The following MYRFL variants were observed in gnomAD, a reference collection of about 807,000 sequenced individuals.
The protein encoded by MYRFL is myelin regulatory factor-like protein.
Under a neutral mutation model 109.4 loss-of-function variants are expected in MYRFL, and 88 were observed. The ratio of observed to expected loss-of-function variants is 0.80; its 90% confidence interval spans 0.68 to 0.96. The LOEUF (loss-of-function observed/expected upper bound fraction) is 0.96. Ranked by LOEUF, MYRFL falls within the 40% of genes least tolerant of loss-of-function variation. The probability of loss-of-function intolerance (pLI) is 0.00; values close to 1 mark genes in which losing one functional copy is unlikely to be tolerated. For synonymous variants in MYRFL, 324 were observed against 320.9 expected (o/e 1.01, Z -0.10); for missense variants, 957 against 954.9 (o/e 1.00, Z -0.03).
chr12:69,931,978 G>T (rs998146558), intron 15 of MYRFL, among the ~76,000 whole-genome samples: 2 of 152,194 alleles, frequency 1.3e-5, no homozygotes, highest in African/African-American at 2.4e-5. Context: ...CAGGCCCAGA[G>T]ATATCTGTAT....
intron 4 of MYRFL, 32 bp from the exon 5 acceptor site, chr12:69,880,169 T>G: frequency 1.4e-6 from 1 of 701,454 alleles, no homozygotes; most frequent in Non-Finnish European, 2.6e-6. Flanking sequence ...CAAGGAAGAA[T>G]CCTAACCTTC....
rs1275673284 is a variant in MYRFL at position 69,952,282 on chromosome 12, C to G, written c.2287+107C>G. The stretch of plus-strand genomic sequence containing the variant: ...GAGGAGCAGGGACAAAGGCTGCAGC[C>G]TGCCTGCCACGCATATCCATGGGAC... On this transcript the variant is annotated intron_variant, in intron 20 of 24. Coordinates refer to ENST00000552032, the MANE Select transcript of MYRFL (RefSeq NM_182530.3). 3 of 951,830 alleles carry G rather than the reference C, an allele frequency of 3.2e-6. No homozygotes were observed. The African/African-American group carries it at 4.8e-5, about 15-fold the overall frequency. The allele number at this position is 951,830 out of a possible 1,614,324, so 59.0% of individuals were successfully genotyped here.
At chr12:69,896,342 T>C (rs1354253430) in intron 9 of MYRFL, among the ~76,000 whole-genome samples, 1 of 152,260 alleles carries the variant, frequency 6.6e-6, no homozygotes, top group East Asian at 1.9e-4. Context: ...TAACGGTTAC[T>C]ACTCTTACTG....
chr12:69,863,330 G>A (rs1027661886), intron 2 of MYRFL, among the ~76,000 whole-genome samples: 51 of 152,172 alleles, frequency 3.4e-4, no homozygotes, highest in Middle Eastern at 3.4e-3. Context: ...GAATGGTACC[G>A]GTTCCTCCTT....
At position 69,952,897 on chromosome 12, in the gene MYRFL, C is replaced by T. The variant is rs1230970253; in HGVS notation, c.2375+11C>T. 4.6e-6 allele frequency: 7 copies of T among 1,522,096 alleles called. 1 individual carries two copies. In the South Asian group the frequency reaches 6.0e-5, roughly 13 times the overall value. The allele number at this position is 1,522,096 out of a possible 1,614,324, so 94.3% of individuals were successfully genotyped here. On this transcript the variant is annotated intron_variant, in intron 21 of 24. Coordinates refer to ENST00000552032, the MANE Select transcript of MYRFL (RefSeq NM_182530.3). The stretch of plus-strand genomic sequence containing the variant: ...AAGCCTCCAGTGCGGGTAGGTAAGC[C>T]TCCCCAGCATGCCCTGGTTGTTTCT...
chr12:69,936,684 T>G (rs1955481189), intron 19 of MYRFL, 52 bp downstream of exon 19: 1 of 1,410,304 alleles, frequency 7.1e-7, no homozygotes, highest in Non-Finnish European at 9.3e-7. Context: ...GAGGTTGTTT[T>G]TCTTGTCACA....
intron 13 of MYRFL, among the ~76,000 whole-genome samples, chr12:69,916,237 G>C (rs1038505599): frequency 6.6e-6 from 1 of 152,114 alleles, no homozygotes; most frequent in Non-Finnish European, 1.5e-5. Flanking sequence ...AAAGCTCTAA[G>C]TAATAATGTG....
intron 6 of MYRFL, among the ~76,000 whole-genome samples, chr12:69,888,384 A>G (rs1045225587): frequency 6.6e-6 from 1 of 152,182 alleles, no homozygotes; most frequent in African/African-American, 2.4e-5. Context: ...GTTAGGTCTA[A>G]TTTGTTACAA....
intron 1 of MYRFL, among the ~76,000 whole-genome samples, chr12:69,827,176 A>C (rs1171372985): frequency 6.6e-6 from 1 of 152,034 alleles, no homozygotes. Flanking sequence ...TCAAGAAAAA[A>C]ATTTGACAAT....
chr12:69,831,848 T>C (rs921030133), intron 1 of MYRFL, among the ~76,000 whole-genome samples: 1 of 152,128 alleles, frequency 6.6e-6, no homozygotes, highest in African/African-American at 2.4e-5. Context: ...CAGTCAGTTG[T>C]CAAAGTCAAA....
intron 13 of MYRFL, among the ~76,000 whole-genome samples, chr12:69,922,786 G>A (rs1415785536): frequency 6.6e-6 from 1 of 152,056 alleles, no homozygotes; most frequent in East Asian, 1.9e-4. Context: ...TTTTACATGT[G>A]TATGTATAAA....
intron 5 of MYRFL, among the ~76,000 whole-genome samples, chr12:69,883,332 C>A (rs1424229208): frequency 6.6e-6 from 1 of 152,114 alleles, no homozygotes; most frequent in Non-Finnish European, 1.5e-5. Flanking sequence ...AGATTCCATC[C>A]CTAGAAGTAT....
chr12:69,894,670 G>A (rs1429357841), intron 8 of MYRFL, among the ~76,000 whole-genome samples: 2 of 152,234 alleles, frequency 1.3e-5, no homozygotes, highest in Admixed American at 1.3e-4. Context: ...AGTATGCAAA[G>A]CAATATGGCA....
intron 2 of MYRFL, among the ~76,000 whole-genome samples, chr12:69,858,975 A>G (rs1447731240): frequency 6.6e-6 from 1 of 151,888 alleles, no homozygotes; most frequent in Non-Finnish European, 1.5e-5. Context: ...TTAAGCATTC[A>G]ATGCTGTACA....
At chr12:69,932,484 T>A (rs1219572381) in intron 15 of MYRFL, 29 bp from the exon 16 acceptor site, 33 of 1,453,332 alleles carry the variant, frequency 2.3e-5, no homozygotes, top group Non-Finnish European at 2.8e-5. Flanking sequence ...TGCTAATTTA[T>A]CACTGCTCAT....
rs1037548798 is a variant in MYRFL at position 69,931,349 on chromosome 12, G to A, written c.1831-1164G>A. On this transcript the variant is annotated intron_variant, in intron 15 of 24. Transcript: ENST00000552032. ...ACAGTTTCTGTGAGACCTCAGAACA[G>A]TATAAACCATTGACTTCTTGGTCAT... 2.0e-5 allele frequency among the ~76,000 whole-genome samples: 3 copies of A among 152,304 alleles called. No individual in the cohort carries two copies. The South Asian group carries it at 6.2e-4, about 32-fold the overall frequency.
At position 69,958,620 on chromosome 12, in the gene MYRFL, T is replaced by A; in HGVS notation, c.*89T>A. 1 of 994,148 alleles carries A rather than the reference T, an allele frequency of 1.0e-6. No individual in the cohort carries two copies. Among genetic ancestry groups the A allele is most frequent in the Non-Finnish European group, 1.5e-6 (1 of 688,136 alleles). The allele number at this position is 994,148 out of a possible 1,614,324, so 61.6% of individuals were successfully genotyped here. Reference sequence around the variant, plus strand: ...CATCCTCTTGCAACTTCTTTTTTCTTCTTTGTAAAACATTTACGTTTATTG... The same window carrying A: ...CATCCTCTTGCAACTTCTTTTTTCTACTTTGTAAAACATTTACGTTTATTG... On this transcript the variant is annotated 3_prime_UTR_variant, in exon 25 of 25. Coordinates refer to ENST00000552032, the MANE Select transcript of MYRFL (RefSeq NM_182530.3).
intron 15 of MYRFL, among the ~76,000 whole-genome samples, chr12:69,928,771 C>G (rs1444316130): frequency 6.6e-6 from 1 of 152,140 alleles, no homozygotes; most frequent in Non-Finnish European, 1.5e-5. Flanking sequence ...AGCTAAAGCT[C>G]TTTGCACAGC....
intron 13 of MYRFL, among the ~76,000 whole-genome samples, chr12:69,923,419 C>A (rs1954970314): frequency 1.3e-5 from 2 of 151,990 alleles, no homozygotes; most frequent in Admixed American, 1.3e-4. Flanking sequence ...TAGAAAATGT[C>A]TTTTTCTTTT....
Sources: allele counts gnomAD v4.1 joint callset (sites outside exome capture counted in the v4.1 genomes callset), GRCh38; gene constraint gnomAD v4.1.1; transcripts MANE v1.5; gene names NCBI Gene and HGNC (gene_info 2026-07-23, HGNC 2026-07-21).